RHPN2: variants seen among roughly 807,000 people sequenced by gnomAD.
RHPN2 encodes rhophilin-2.
A neutral mutation model predicts 79.0 loss-of-function variants in RHPN2; 40 were observed. The ratio of observed to expected loss-of-function variants is 0.51; its 90% CI spans 0.39 to 0.66. The LOEUF is 0.66. Among genes scored for constraint, RHPN2 ranks in the 30% least tolerant of loss-of-function variants. The pLI is 0.00. For missense variants in RHPN2, 686 were observed against 883.5 expected, an observed-to-expected ratio of 0.78 and a Z score of 2.83; for synonymous variants, 285 against 363.5, an observed-to-expected ratio of 0.78 and a Z score of 2.46.
At chr19:33,055,568 G>A (rs1351628199) in intron 1 of RHPN2, among the ~76,000 whole-genome samples, 1 of 151,880 alleles carries the variant, frequency 6.6e-6, no homozygotes, top group Non-Finnish European at 1.5e-5. Context: ...GCTGTTCCTG[G>A]TGGACTCAGC....
intron 7 of RHPN2, among the ~76,000 whole-genome samples, chr19:33,006,242 G>T (rs142326697): frequency 6.6e-6 from 1 of 152,098 alleles, no homozygotes; most frequent in African/African-American, 2.4e-5. Flanking sequence ...TGTCACCCAG[G>T]CTAGAGTACA....
chr19:33,051,152 C>T (rs1568326638), intron 1 of RHPN2, among the ~76,000 whole-genome samples: 2 of 152,092 alleles, frequency 1.3e-5, no homozygotes, highest in South Asian at 2.1e-4. Flanking sequence ...CCACCATGCC[C>T]GGCTAATTTT....
intron 14 of RHPN2, among the ~76,000 whole-genome samples, chr19:32,983,250 C>T (rs147610095): frequency 1.5e-4 from 23 of 152,124 alleles, no homozygotes; most frequent in South Asian, 4.1e-4. Context: ...TGGTGGCTCA[C>T]GCCTGTAATC....
chr19:32,988,100 G>C lies in RHPN2; in HGVS notation c.1800+2414C>G, dbSNP rs1246465883. On this transcript the variant is annotated intron_variant, in intron 14 of 14. Coordinates refer to ENST00000254260, the MANE Select transcript of RHPN2 (RefSeq NM_033103.5). ...TGTAGTTCCAGCTACTCGGGAGGCTGAGGCAAAAGGATTGCCTGAGCCTAG... is the reference window on the plus strand; with the variant it reads ...TGTAGTTCCAGCTACTCGGGAGGCTCAGGCAAAAGGATTGCCTGAGCCTAG... Among the ~76,000 whole-genome samples the C allele has an allele frequency of 3.3e-5, 5 of 152,066 alleles. No homozygotes were observed. The East Asian group carries it at 9.6e-4, about 29-fold the overall frequency.
At chr19:33,015,817 G>A (rs1438220237) in intron 4 of RHPN2, among the ~76,000 whole-genome samples, 1 of 152,148 alleles carries the variant, frequency 6.6e-6, no homozygotes, top group East Asian at 1.9e-4. Flanking sequence ...TCAAGGCTGA[G>A]GTGGGCGGAT....
At position 33,047,506 on chromosome 19, in the gene RHPN2, T is replaced by C. The variant is rs563455385; in HGVS notation, c.70-3142A>G. Among the ~76,000 whole-genome samples the C allele has an allele frequency of 3.3e-5, 5 of 152,274 alleles. No homozygotes were observed. In the East Asian group the frequency reaches 9.6e-4, roughly 29 times the overall value. ...CCTGGGATACGCCCACATTCCTCTT[T>C]GCCGCTTATCTCTAGGTCCTGCCCA... On this transcript the variant is annotated intron_variant, in intron 1 of 14. Coordinates refer to ENST00000254260, the MANE Select transcript of RHPN2 (RefSeq NM_033103.5).
At chr19:32,982,371 C>A (rs958670641) in intron 14 of RHPN2, among the ~76,000 whole-genome samples, 14 of 152,004 alleles carry the variant, frequency 9.2e-5, no homozygotes, top group African/African-American at 3.4e-4. Context: ...CACGCCACTG[C>A]ACTCCAGCCT....
Position 33,048,356 on chromosome 19 carries a change from C to G in RHPN2, c.70-3992G>C, listed in dbSNP as rs146883175. On this transcript the variant is annotated intron_variant, in intron 1 of 14. Transcript: ENST00000254260. Reference sequence around the variant, plus strand: ...CAGGCATGAGCCATGGCATCCAGCCCTGGAATGGATTTTAAAATTAATATC... The same window carrying G: ...CAGGCATGAGCCATGGCATCCAGCCGTGGAATGGATTTTAAAATTAATATC... Among the ~76,000 whole-genome samples the G allele has an allele frequency of 3.4e-3, 511 of 152,066 alleles. 1 individual carries two copies. The highest frequency in any genetic ancestry group is 0.011 in the African/African-American group (473 of 41,516).
rs755714875 is a variant in RHPN2, at chr19:32,996,177, C to T, written c.1269G>A (p.Ser423=). 72 of 1,614,050 alleles carry T rather than the reference C, an allele frequency of 4.5e-5. No homozygotes were observed. Among genetic ancestry groups the T allele is most frequent in the African/African-American group, 6.7e-5 (5 of 74,944 alleles). Residue 423 remains serine, a synonymous_variant, in exon 11 of 15, where the codon TCG becomes TCA. Coordinates refer to ENST00000254260, the MANE Select transcript of RHPN2 (RefSeq NM_033103.5). The part of the protein sequence containing the change: ...LRRAMAHHEE[S]VREASLCKKL... ...TCTTGCAGAGGCTGGCCTCCCGCAC[C>T]GACTCCTCGTGATGAGCCATGGCTC... is the stretch of plus-strand genomic sequence containing the variant.
intron 1 of RHPN2, 29 bp downstream of exon 1, chr19:33,064,755 T>TGGGGGCG: frequency 2.1e-6 from 3 of 1,427,946 alleles, no homozygotes; most frequent in Non-Finnish European, 2.8e-6. Flanking sequence ...AGCCCGCAGG[T>TGGGGGCG]CCCCGCCCGC....
chr19:33,034,147 C>T (rs919269843), intron 2 of RHPN2, among the ~76,000 whole-genome samples: 2 of 150,298 alleles, frequency 1.3e-5, no homozygotes, highest in Non-Finnish European at 3.0e-5. Flanking sequence ...TGTGAGCCAT[C>T]GCGCCCGGCC....
chr19:32,994,421 G>C (rs1003412123), intron 11 of RHPN2, among the ~76,000 whole-genome samples: 1 of 151,680 alleles, frequency 6.6e-6, no homozygotes, highest in African/African-American at 2.4e-5. Context: ...CCTTGGGAAG[G>C]AGACAGTACA....
At chr19:32,992,133 G>A (rs1971665214) in intron 12 of RHPN2, 164 bp from the exon 13 acceptor site, 4 of 694,336 alleles carry the variant, frequency 5.8e-6, no homozygotes, top group Non-Finnish European at 1.0e-5. Context: ...GCGAGAACCT[G>A]GAAAGCCATC....
intron 2 of RHPN2, among the ~76,000 whole-genome samples, chr19:33,034,600 C>T (rs1297326810): frequency 1.5e-5 from 1 of 65,508 alleles, no homozygotes; most frequent in East Asian, 3.0e-4. Flanking sequence ...AGCGAGACTC[C>T]GTCTCAAAAA....
intron 10 of RHPN2, among the ~76,000 whole-genome samples, chr19:32,996,805 T>A (rs1298897602): frequency 6.6e-6 from 1 of 152,126 alleles, no homozygotes; most frequent in Non-Finnish European, 1.5e-5. Flanking sequence ...CACCGGCTAA[T>A]AAAGGACTCC....
At chr19:33,060,915 T>A (rs1972274219) in intron 1 of RHPN2, among the ~76,000 whole-genome samples, 1 of 152,134 alleles carries the variant, frequency 6.6e-6, no homozygotes, top group African/African-American at 2.4e-5. Context: ...AGGGGCTAAA[T>A]CCTCCCAATG....
chr19:33,033,839 C>G (rs1001508644), intron 2 of RHPN2, among the ~76,000 whole-genome samples: 1 of 151,904 alleles, frequency 6.6e-6, no homozygotes, highest in South Asian at 2.1e-4. Flanking sequence ...TGCACTCCAG[C>G]CTGGGCAACA....
rs1007340271 is a variant in RHPN2 at position 33,059,361 on chromosome 19, C to G, written c.69+5423G>C. Among the ~76,000 whole-genome samples, 4 of 150,884 alleles carry G rather than the reference C, an allele frequency of 2.7e-5. No homozygotes were observed. The South Asian group carries it at 8.4e-4, about 32-fold the overall frequency. On this transcript the variant is annotated intron_variant, in intron 1 of 14. Transcript: ENST00000254260. ...CTGCTCAGGCTAGAGTGCAGTGGCG[C>G]GATCTCGGCTCACTGCAACCTCCAC...
chr19:33,021,669 T>C, intron 3 of RHPN2, 23 bp from the exon 4 acceptor site: 3 of 1,594,178 alleles, frequency 1.9e-6, no homozygotes, highest in Non-Finnish European at 2.6e-6. Flanking sequence ...CAACAAGGTA[T>C]GTATGAACAC....
Sources: allele counts gnomAD v4.1 joint callset (sites outside exome capture counted in the v4.1 genomes callset), GRCh38; gene constraint gnomAD v4.1.1; transcripts MANE v1.5; gene names NCBI Gene and HGNC (gene_info 2026-07-23, HGNC 2026-07-21).